Variants in MCC observed in about 807,000 individuals in gnomAD.
The protein encoded by MCC is MCC regulator of Wnt signaling pathway, also known as colorectal mutant cancer protein.
In MCC, 90 loss-of-function variants were observed where a neutral mutation model predicts 116.2. That is an observed-to-expected ratio of 0.77 (90% CI 0.65 to 0.92). The LOEUF is 0.92. Ranked by LOEUF, MCC falls within the 40% of genes least tolerant of loss-of-function variation. MCC has a pLI of 0.00. For synonymous variants in MCC, 578 were observed against 510.5 expected (o/e 1.13, Z -1.78); for missense variants, 1,516 against 1,312.2 (o/e 1.16, Z -2.40).
intron 3 of MCC, among the ~76,000 whole-genome samples, chr5:113,323,620 A>G (rs563597987): frequency 3.9e-5 from 6 of 152,366 alleles, no homozygotes; most frequent in African/African-American, 1.4e-4. Flanking sequence ...AGGCGGTCTT[A>G]GCCATATCAG....
intron 3 of MCC, among the ~76,000 whole-genome samples, chr5:113,155,029 C>T (rs1172412421): frequency 6.6e-6 from 1 of 152,142 alleles, no homozygotes; most frequent in Non-Finnish European, 1.5e-5. Context: ...CTTCATCCCT[C>T]CCCCACTATC....
rs1014230660 is a variant in MCC, at chr5:113,022,616, A to C, written c.*4686T>G. 2.0e-5 allele frequency: 3 copies of C among 152,242 alleles called. No individual in the cohort carries two copies. The highest frequency in any genetic ancestry group is 6.5e-5 in the Admixed American group (1 of 15,286). The allele number at this position is 152,242 out of a possible 1,614,324, so 9.4% of individuals were successfully genotyped here. On this transcript the variant is annotated 3_prime_UTR_variant, in exon 19 of 19. Transcript: ENST00000408903. ...TTGCCATTCCTGACATGAGCACTAT[A>C]AGTGAATACTATGAGTTCTACAAAC... is the stretch of plus-strand genomic sequence containing the variant.
chr5:113,139,496 T>G (rs1165624023), intron 5 of MCC, among the ~76,000 whole-genome samples: 4 of 152,004 alleles, frequency 2.6e-5, no homozygotes, highest in Non-Finnish European at 5.9e-5. Context: ...TATGAACATA[T>G]GAAAAAAAGC....
At chr5:113,288,225 C>T (rs531085308) in intron 3 of MCC, among the ~76,000 whole-genome samples, 4 of 152,332 alleles carry the variant, frequency 2.6e-5, no homozygotes, top group Middle Eastern at 3.4e-3. Context: ...CCCCAAGCCT[C>T]GGCACTCTGC....
intron 3 of MCC, among the ~76,000 whole-genome samples, chr5:113,239,674 A>G (rs555305185): frequency 2.6e-5 from 4 of 152,324 alleles, no homozygotes; most frequent in Non-Finnish European, 4.4e-5. Flanking sequence ...TGTGGCAAAC[A>G]CTTCATTGAG....
At chr5:113,370,290 A>G (rs142900648) in intron 2 of MCC, among the ~76,000 whole-genome samples, 161 of 152,330 alleles carry the variant, frequency 1.1e-3, no homozygotes, top group African/African-American at 3.6e-3. Context: ...TGAAGAGGCG[A>G]AGGTTTTTCC....
At chr5:113,028,321 G>T (rs970569283) in intron 18 of MCC, among the ~76,000 whole-genome samples, 23 of 152,130 alleles carry the variant, frequency 1.5e-4, no homozygotes, top group African/African-American at 5.3e-4. Flanking sequence ...TTGCAGAATT[G>T]TAAGACCAGT....
At chr5:113,469,276 G>T (rs1165496497) in intron 1 of MCC, among the ~76,000 whole-genome samples, 1 of 152,058 alleles carries the variant, frequency 6.6e-6, no homozygotes, top group East Asian at 1.9e-4. Context: ...TGTGATGTTA[G>T]GGTGTCGATT....
At chr5:113,307,348 G>A (rs989353609) in intron 3 of MCC, among the ~76,000 whole-genome samples, 1 of 152,234 alleles carries the variant, frequency 6.6e-6, no homozygotes, top group East Asian at 1.9e-4. Context: ...AGTTTTCCAT[G>A]TATAAATCTT....
At chr5:113,192,082 G>T (rs1054096009) in intron 3 of MCC, among the ~76,000 whole-genome samples, 3 of 152,172 alleles carry the variant, frequency 2.0e-5, no homozygotes, top group Non-Finnish European at 2.9e-5. Context: ...AGAAGATGAT[G>T]TTTATGTCAC....
At chr5:113,060,295 C>T (rs1298635468) in intron 14 of MCC, among the ~76,000 whole-genome samples, 1 of 152,290 alleles carries the variant, frequency 6.6e-6, no homozygotes, top group East Asian at 1.9e-4. Flanking sequence ...GCTGGGACTA[C>T]AGGCATGTAC....
intron 1 of MCC, among the ~76,000 whole-genome samples, chr5:113,477,978 G>C (rs950686438): frequency 6.6e-6 from 1 of 152,206 alleles, no homozygotes; most frequent in Non-Finnish European, 1.5e-5. Context: ...AGAGATGATG[G>C]AATTGGCAGA....
intron 3 of MCC, among the ~76,000 whole-genome samples, chr5:113,339,856 A>G (rs1767967890): frequency 6.6e-6 from 1 of 152,248 alleles, no homozygotes; most frequent in African/African-American, 2.4e-5. Flanking sequence ...AAAGCCAGGT[A>G]GGCTTTTAGA....
chr5:113,435,958 A>C (rs975807540), intron 1 of MCC: 2 of 152,534 alleles, frequency 1.3e-5, no homozygotes, highest in African/African-American at 4.8e-5. Flanking sequence ...CTCTGCTGTG[A>C]CTGGTTCTGT....
intron 3 of MCC, among the ~76,000 whole-genome samples, chr5:113,276,507 T>C (rs901612730): frequency 2.0e-5 from 3 of 152,198 alleles, no homozygotes; most frequent in Admixed American, 6.5e-5. Context: ...CTAAAGATAT[T>C]AGAAAACACA....
At chr5:113,190,457 T>C (rs905315803) in intron 3 of MCC, among the ~76,000 whole-genome samples, 2 of 152,128 alleles carry the variant, frequency 1.3e-5, no homozygotes, top group Non-Finnish European at 2.9e-5. Context: ...CTTTAAATGA[T>C]GCACACCAAA....
chr5:113,146,483 G>A (rs2416304), intron 4 of MCC, among the ~76,000 whole-genome samples: 150,656 of 151,422 alleles, frequency 0.99, 74,952 homozygotes, highest in Middle Eastern at 1. Flanking sequence ...GAACTCTAGG[G>A]AGCATGAATG....
At chr5:113,147,816 G>T (rs541725255) in intron 4 of MCC, among the ~76,000 whole-genome samples, 1 of 152,100 alleles carries the variant, frequency 6.6e-6, no homozygotes, top group Non-Finnish European at 1.5e-5. Context: ...GGAATGAGGC[G>T]ACCCTAACAA....
chr5:113,143,930 C>T (rs1430956758), intron 4 of MCC, among the ~76,000 whole-genome samples: 1 of 152,090 alleles, frequency 6.6e-6, no homozygotes, highest in Non-Finnish European at 1.5e-5. Context: ...GGTATAATAC[C>T]ACTTCTTATC....
Sources: allele counts gnomAD v4.1 joint callset (sites outside exome capture counted in the v4.1 genomes callset), GRCh38; gene constraint gnomAD v4.1.1; transcripts MANE v1.5; gene names NCBI Gene and HGNC (gene_info 2026-07-23, HGNC 2026-07-21).